MDGA2: variants seen among roughly 807,000 people sequenced by gnomAD.
MDGA2 encodes the protein MAM domain-containing glycosylphosphatidylinositol anchor protein 2.
MDGA2 carries 40 observed loss-of-function variants against 117.8 expected under a neutral mutation model. The observed-to-expected ratio is 0.34, with a 90% CI of 0.26 to 0.44. The LOEUF is 0.44. Ranked by LOEUF, MDGA2 falls within the 20% of genes least tolerant of loss-of-function variation. The pLI is 1.00. For synonymous variants in MDGA2, 452 were observed against 439.0 expected, an observed-to-expected ratio of 1.03 and a Z score of -0.37; for missense variants, 1,123 against 1,250.6, an observed-to-expected ratio of 0.90 and a Z score of 1.54.
At chr14:47,405,389 G>T (rs1348602499) in intron 1 of MDGA2, among the ~76,000 whole-genome samples, 2 of 152,114 alleles carry the variant, frequency 1.3e-5, no homozygotes, top group Admixed American at 6.5e-5. Flanking sequence ...AAAGTCTTCA[G>T]CCATGAAAAA....
chr14:47,009,841 G>A (rs1167581145), intron 8 of MDGA2, among the ~76,000 whole-genome samples: 4 of 152,000 alleles, frequency 2.6e-5, no homozygotes, highest in Admixed American at 6.6e-5. Context: ...TTGCGTCCGA[G>A]CTGTGCCTTT....
intron 1 of MDGA2, among the ~76,000 whole-genome samples, chr14:47,484,060 G>A (rs902754783): frequency 2.6e-5 from 4 of 152,040 alleles, no homozygotes; most frequent in African/African-American, 9.7e-5. Context: ...ATATTCAAGG[G>A]TAAATAAGTT....
intron 1 of MDGA2, among the ~76,000 whole-genome samples, chr14:47,506,558 T>C (rs10137971): frequency 0.48 from 73,702 of 152,056 alleles, 18,090 homozygotes; most frequent in East Asian, 0.61. Context: ...GAGAACAATG[T>C]GTTAAGGTCA....
chr14:47,668,743 T>A (rs898746128), intron 1 of MDGA2, among the ~76,000 whole-genome samples: 10 of 152,262 alleles, frequency 6.6e-5, no homozygotes, highest in Admixed American at 5.9e-4. Flanking sequence ...ATACTTTGCA[T>A]GTCCTTCCAA....
At chr14:47,592,282 G>A (rs1896456072) in intron 1 of MDGA2, among the ~76,000 whole-genome samples, 1 of 152,168 alleles carries the variant, frequency 6.6e-6, no homozygotes, top group African/African-American at 2.4e-5. Context: ...CTCATGGATA[G>A]GAAGAATCAA....
rs112626416 is a variant in MDGA2 at position 46,884,162 on chromosome 14, A to T, written c.2239-1941T>A. On this transcript the variant is annotated intron_variant, in intron 10 of 16. Coordinates refer to ENST00000399232, the MANE Select transcript of MDGA2 (RefSeq NM_001113498.3). This position sits in a 1 kb window ranked among gnomAD's most constrained non-coding sequence, Gnocchi z 4.1. ...GGCCTACTTTTACTTTGATTGTGAA[A>T]CTCTTTGGTGTCACAAATTAGAGTG... is the stretch of plus-strand genomic sequence containing the variant. Among the ~76,000 whole-genome samples the T allele has an allele frequency of 6.6e-5, 10 of 151,768 alleles. 1 individual carries two copies. The highest frequency in any genetic ancestry group is 2.2e-4 in the African/African-American group (9 of 41,372).
chr14:47,358,747 T>C (rs1451480662), intron 1 of MDGA2, among the ~76,000 whole-genome samples: 1 of 152,154 alleles, frequency 6.6e-6, no homozygotes, highest in East Asian at 1.9e-4. Flanking sequence ...TAGGAATACA[T>C]TTCATCAAGG....
intron 5 of MDGA2, among the ~76,000 whole-genome samples, chr14:47,129,094 T>C (rs1178306395): frequency 1.3e-5 from 2 of 152,138 alleles, no homozygotes; most frequent in Admixed American, 1.3e-4. Context: ...TCTAGTTTTT[T>C]TTTTTCTTTT....
intron 1 of MDGA2, among the ~76,000 whole-genome samples, chr14:47,361,251 A>AC (rs1362398887): frequency 0.026 from 2 of 76 alleles, no homozygotes; most frequent in Admixed American, 0.25. Flanking sequence ...TACAACACAC[A>AC]AATAAACATC....
chr14:47,292,718 G>T (rs915767727), intron 2 of MDGA2, among the ~76,000 whole-genome samples: 2 of 152,154 alleles, frequency 1.3e-5, no homozygotes, highest in Non-Finnish European at 2.9e-5. Flanking sequence ...TTGGCTCCAT[G>T]AAGTAGTTTA....
chr14:47,287,967 G>A (rs934260576), intron 2 of MDGA2, among the ~76,000 whole-genome samples: 17 of 152,156 alleles, frequency 1.1e-4, no homozygotes, highest in Non-Finnish European at 2.2e-4. Flanking sequence ...CAGAAGCTGG[G>A]AAGAGGCAAG....
chr14:47,210,423 T>C (rs1437263562), intron 3 of MDGA2, among the ~76,000 whole-genome samples: 1 of 152,160 alleles, frequency 6.6e-6, no homozygotes. Context: ...TTTAAAGTCA[T>C]ATGGCCTCTA....
chr14:47,365,975 T>C (rs1891222907), intron 1 of MDGA2, among the ~76,000 whole-genome samples: 1 of 152,216 alleles, frequency 6.6e-6, no homozygotes, highest in African/African-American at 2.4e-5. Context: ...TAAATCTTTT[T>C]TAGAGCTAAG....
intron 3 of MDGA2, among the ~76,000 whole-genome samples, chr14:47,202,529 C>T (rs1885545655): frequency 6.6e-6 from 1 of 152,136 alleles, no homozygotes; most frequent in African/African-American, 2.4e-5. Flanking sequence ...TATAACCTAG[C>T]ATGCCATTTG....
intron 1 of MDGA2, among the ~76,000 whole-genome samples, chr14:47,304,799 A>G (rs1472999891): frequency 6.6e-6 from 1 of 152,108 alleles, no homozygotes; most frequent in African/African-American, 2.4e-5. Context: ...TCTCTGTAAT[A>G]TCAGGCTATC....
chr14:47,108,366 G>A (rs907505173), intron 5 of MDGA2, among the ~76,000 whole-genome samples: 26 of 152,304 alleles, frequency 1.7e-4, no homozygotes, highest in African/African-American at 3.8e-4. Flanking sequence ...TGACTTGCAC[G>A]TATACGCCCA....
intron 6 of MDGA2, among the ~76,000 whole-genome samples, chr14:47,091,927 C>CCA (rs1405838024): frequency 1.3e-5 from 2 of 151,968 alleles, no homozygotes; most frequent in Admixed American, 6.6e-5. Flanking sequence ...AACCTCCCCA[C>CCA]CACACACACA....
intron 5 of MDGA2, among the ~76,000 whole-genome samples, chr14:47,123,134 CTGTTTAT>C (rs1388212732): frequency 1.3e-5 from 2 of 151,842 alleles, no homozygotes; most frequent in East Asian, 3.9e-4. Context: ...TTGACTAAGG[CTGTTTAT>C]TGTATCTGGA....
chr14:47,499,006 T>A (rs1026741630), intron 1 of MDGA2, among the ~76,000 whole-genome samples: 2 of 120,702 alleles, frequency 1.7e-5, no homozygotes, highest in South Asian at 4.5e-4. Context: ...TATTCTGGCA[T>A]TTTTTTTATT....
Sources: allele counts gnomAD v4.1 joint callset (sites outside exome capture counted in the v4.1 genomes callset), GRCh38; gene constraint gnomAD v4.1.1; non-coding constraint Gnocchi (gnomAD v3.1); transcripts MANE v1.5; gene names NCBI Gene and HGNC (gene_info 2026-07-23, HGNC 2026-07-21).